DYTN: variants seen among roughly 807,000 people sequenced by gnomAD.
The protein encoded by DYTN is dystrotelin.
A neutral mutation model predicts 69.6 loss-of-function variants in DYTN; 75 were observed. The observed-to-expected ratio is 1.08, with a 90% confidence interval of 0.89 to 1.31. The LOEUF is 1.31. Among genes scored for constraint, DYTN ranks in the 50% most tolerant of loss-of-function variants. The pLI is 0.00. For missense variants in DYTN, 726 were observed against 688.4 expected (o/e 1.05, Z -0.61); for synonymous variants, 252 against 249.1 (o/e 1.01, Z -0.11).
chr2:206,700,334 G>A (rs1308979406), intron 5 of DYTN, 118 bp from the exon 6 acceptor site: 13 of 1,083,644 alleles, frequency 1.2e-5, no homozygotes, highest in Non-Finnish European at 1.8e-5. Context: ...TGGTATCTGA[G>A]ACGAGGTGAA....
chr2:206,705,418 C>T (rs1414671626), intron 4 of DYTN, among the ~76,000 whole-genome samples: 2 of 152,128 alleles, frequency 1.3e-5, no homozygotes, highest in Non-Finnish European at 2.9e-5. Context: ...TTGTAATAAC[C>T]GTAATTTGAT....
At chr2:206,672,034 C>T (rs148158753) in intron 9 of DYTN, among the ~76,000 whole-genome samples, 38 of 152,210 alleles carry the variant, frequency 2.5e-4, no homozygotes, top group East Asian at 1.5e-3. Flanking sequence ...GGTGCATGCG[C>T]GTACACACAT....
intron 1 of DYTN, among the ~76,000 whole-genome samples, chr2:206,711,367 G>A (rs1700076977): frequency 6.6e-6 from 1 of 152,096 alleles, no homozygotes; most frequent in Non-Finnish European, 1.5e-5. Flanking sequence ...TAGAGGAGAG[G>A]AGAGAGCTCT....
At position 206,694,905 on chromosome 2, in the gene DYTN, A is replaced by G. The variant is rs781101328; in HGVS notation, c.720-28T>C. ...GCCAGTTAAAATAGAAGCACAGCTT[A>G]CGTCACTAGTAGATGAGAAAAAAAA... On this transcript the variant is annotated intron_variant, in intron 7 of 11. Transcript: ENST00000452335. 5 of 1,391,730 alleles carry G rather than the reference A, an allele frequency of 3.6e-6. No individual in the cohort carries two copies. In the East Asian group the frequency reaches 1.2e-4, roughly 33 times the overall value. 86.2% of individuals were successfully genotyped at this position (1,391,730 alleles called of 1,614,324 possible). A position where few individuals can be genotyped will look rare whatever the true frequency, so the allele number is the denominator to read the frequency against.
intron 1 of DYTN, among the ~76,000 whole-genome samples, chr2:206,714,006 G>T (rs913458683): frequency 6.6e-6 from 1 of 152,182 alleles, no homozygotes; most frequent in Non-Finnish European, 1.5e-5. Context: ...ACAAGGAACT[G>T]CTTGGTGTAC....
At chr2:206,656,318 C>G (rs1402996505) in intron 11 of DYTN, among the ~76,000 whole-genome samples, 1 of 152,108 alleles carries the variant, frequency 6.6e-6, no homozygotes, top group African/African-American at 2.4e-5. Context: ...TTTTTGAATA[C>G]CATTAACATA....
At chr2:206,707,136 A>T (rs1700035058) in intron 3 of DYTN, among the ~76,000 whole-genome samples, 166 bp downstream of exon 3, 2 of 152,164 alleles carry the variant, frequency 1.3e-5, no homozygotes, top group Admixed American at 6.5e-5. Context: ...GCCGATGGGC[A>T]TTTACTCCTT....
chr2:206,675,447 AC>A (rs1249704680), intron 9 of DYTN, among the ~76,000 whole-genome samples: 1 of 151,630 alleles, frequency 6.6e-6, no homozygotes, highest in Non-Finnish European at 1.5e-5. Flanking sequence ...TTTCAGGGTA[AC>A]TATTCAAAAA....
chr2:206,703,741 A>T (rs1458219487), intron 5 of DYTN, among the ~76,000 whole-genome samples: 3 of 152,104 alleles, frequency 2.0e-5, no homozygotes, highest in Non-Finnish European at 2.9e-5. Flanking sequence ...GGCTATCCTC[A>T]GTTCAGAATC....
chr2:206,714,560 A>C (rs1441534962), intron 1 of DYTN, among the ~76,000 whole-genome samples: 2 of 152,226 alleles, frequency 1.3e-5, no homozygotes, highest in Admixed American at 1.3e-4. Flanking sequence ...GGCCCATGAA[A>C]GAATTAATCT....
chr2:206,664,667 T>G (rs1486352584), intron 10 of DYTN, among the ~76,000 whole-genome samples: 2 of 152,108 alleles, frequency 1.3e-5, no homozygotes. Context: ...GTCTAAAATG[T>G]ATATTTACAT....
chr2:206,688,039 T>C (rs1304794454), intron 9 of DYTN, among the ~76,000 whole-genome samples: 1 of 152,194 alleles, frequency 6.6e-6, no homozygotes, highest in Non-Finnish European at 1.5e-5. Flanking sequence ...TGTGATTCTA[T>C]CTGGAAATGC....
chr2:206,707,189 A>G, intron 3 of DYTN, 113 bp downstream of exon 3: 1 of 1,293,624 alleles, frequency 7.7e-7, no homozygotes, highest in Non-Finnish European at 1.1e-6. Context: ...ACAAACAAAG[A>G]AGACTTCTTA....
At chr2:206,659,304 T>A (rs1699481666) in intron 11 of DYTN, among the ~76,000 whole-genome samples, 1 of 150,220 alleles carries the variant, frequency 6.7e-6, no homozygotes, top group Non-Finnish European at 1.5e-5. Context: ...CCCGAGTAGC[T>A]GGGACTACAG....
At position 206,652,037 on chromosome 2, in the gene DYTN, A is replaced by G. The variant is rs1699393953; in HGVS notation, c.1634-116T>C. ...AGAATCCATTTTTCTTCAGTTCTCA[A>G]GGACAATGTCCTTAAGTTAGCCAGC... On this transcript the variant is annotated intron_variant, in intron 11 of 11. Coordinates refer to ENST00000452335, the MANE Select transcript of DYTN (RefSeq NM_001093730.1). 5.5e-6 allele frequency: 5 copies of G among 910,110 alleles called. No homozygotes were observed. In the South Asian group the frequency reaches 9.4e-5, roughly 17 times the overall value. 56.4% of individuals were successfully genotyped at this position (910,110 alleles called of 1,614,324 possible).
At chr2:206,675,351 TTGTG>T (rs1699674589) in intron 9 of DYTN, among the ~76,000 whole-genome samples, 1 of 149,328 alleles carries the variant, frequency 6.7e-6, no homozygotes, top group Non-Finnish European at 1.5e-5. Flanking sequence ...TTTTTTCAGA[TTGTG>T]TGATTGTCTA....
At chr2:206,660,843 G>A (rs1361894228) in intron 11 of DYTN, among the ~76,000 whole-genome samples, 1 of 152,138 alleles carries the variant, frequency 6.6e-6, no homozygotes, top group Non-Finnish European at 1.5e-5. Flanking sequence ...CAAGTTCTAT[G>A]CAAAGCTGAC....
At chr2:206,690,192 T>TAAAGAC (rs1413253078) in intron 9 of DYTN, among the ~76,000 whole-genome samples, 1 of 152,036 alleles carries the variant, frequency 6.6e-6, no homozygotes, top group Non-Finnish European at 1.5e-5. Flanking sequence ...CCTCGGCAGG[T>TAAAGAC]CTTTGGGAAG....
At chr2:206,662,790 C>A in intron 11 of DYTN, 113 bp downstream of exon 11, 5 of 1,439,544 alleles carry the variant, frequency 3.5e-6, no homozygotes, top group Non-Finnish European at 4.6e-6. Context: ...AGATTCAGAG[C>A]ACTGCTACAT....
Sources: allele counts gnomAD v4.1 joint callset (sites outside exome capture counted in the v4.1 genomes callset), GRCh38; gene constraint gnomAD v4.1.1; transcripts MANE v1.5; gene names NCBI Gene and HGNC (gene_info 2026-07-23, HGNC 2026-07-21).